The following EFCAB7 variants were observed in gnomAD, a reference collection of about 807,000 sequenced individuals.
The protein encoded by EFCAB7 is EF-hand calcium-binding domain-containing protein 7.
In EFCAB7, 66 loss-of-function variants were observed where a neutral mutation model predicts 77.1. That is an observed-to-expected ratio of 0.86 (90% CI 0.70 to 1.05). The LOEUF (loss-of-function observed/expected upper bound fraction) is 1.05, where lower values mean the gene tolerates loss of function less well. Among genes scored for constraint, EFCAB7 ranks in the 50% least tolerant of loss-of-function variants. The pLI is 0.00. For synonymous variants in EFCAB7, 225 were observed against 243.3 expected, an observed-to-expected ratio of 0.92 and a Z score of 0.70; for missense variants, 638 against 730.5, an observed-to-expected ratio of 0.87 and a Z score of 1.46.
At position 63,572,439 on chromosome 1, in the gene EFCAB7, C is replaced by A; in HGVS notation, c.1816-3C>A. 1.3e-6 allele frequency: 2 copies of A among 1,574,044 alleles called. No individual in the cohort carries two copies. Among genetic ancestry groups the A allele is most frequent in the South Asian group, 1.2e-5 (1 of 83,236 alleles). ...AGTAAAAGCTTTCTATTTTTATGTG[C>A]AGGTTTGTCAACATGTAATGCCTTT... On this transcript the variant is annotated splice_polypyrimidine_tract_variant and splice_region_variant and intron_variant, in intron 13 of 13. Transcript: ENST00000371088.
At chr1:63,534,865 T>C (rs1570389368) in intron 6 of EFCAB7, among the ~76,000 whole-genome samples, 1 of 152,110 alleles carries the variant, frequency 6.6e-6, no homozygotes, top group Non-Finnish European at 1.5e-5. Context: ...TATTTGTTAT[T>C]GAACTCTGAA....
the EFCAB7 span, among the ~76,000 whole-genome samples, chr1:63,580,257 A>G: frequency 7.9e-5 from 12 of 152,298 alleles, 1 homozygote; most frequent in African/African-American, 2.9e-4. Flanking sequence ...TCTGAGGTTT[A>G]GGTTGAGGTC....
chr1:63,528,651 T>C (rs1246643445), intron 2 of EFCAB7, among the ~76,000 whole-genome samples: 4 of 152,030 alleles, frequency 2.6e-5, no homozygotes, highest in African/African-American at 9.7e-5. Context: ...TGCATACCTG[T>C]ATCAAAAAAT....
intron 2 of EFCAB7, chr1:63,529,510 T>C (rs1482262569): frequency 6.6e-6 from 1 of 151,852 alleles, no homozygotes; most frequent in Non-Finnish European, 1.5e-5. Context: ...GGTCAGGAGT[T>C]TGAGACCAGC....
At chr1:63,582,382 T>C in the EFCAB7 span, among the ~76,000 whole-genome samples, 1 of 152,168 alleles carries the variant, frequency 6.6e-6, no homozygotes, top group Non-Finnish European at 1.5e-5. Context: ...CAAGATAAAT[T>C]AAGAAAACAT....
At chr1:63,549,030 A>G (rs535143834) in intron 7 of EFCAB7, 1 of 240,402 alleles carries the variant, frequency 4.2e-6, no homozygotes, top group African/African-American at 2.3e-5. Flanking sequence ...ATCCAAGAGT[A>G]TAGCGCCACT....
At chr1:63,583,879 C>T in the EFCAB7 span, among the ~76,000 whole-genome samples, 2 of 141,542 alleles carry the variant, frequency 1.4e-5, no homozygotes, top group South Asian at 2.2e-4. Flanking sequence ...AGATGTTGTG[C>T]ATCATTTCAC....
chr1:63,527,332 CTT>C (rs911935353), intron 2 of EFCAB7, among the ~76,000 whole-genome samples: 9 of 152,296 alleles, frequency 5.9e-5, no homozygotes, highest in African/African-American at 2.2e-4. Flanking sequence ...GGAATACTCT[CTT>C]AACGTTGTAA....
chr1:63,532,138 T>G (rs1646705282), intron 3 of EFCAB7, 107 bp downstream of exon 3: 2 of 764,884 alleles, frequency 2.6e-6, no homozygotes, highest in Non-Finnish European at 4.4e-6. Context: ...CATTGAGAGG[T>G]TAAATGAATT....
chr1:63,545,837 CTG>C (rs1294366298), intron 6 of EFCAB7, 77 bp from the exon 7 acceptor site: 3 of 1,163,902 alleles, frequency 2.6e-6, no homozygotes, highest in Non-Finnish European at 3.8e-6. Flanking sequence ...TTATATCCCC[CTG>C]TGTTTTCTCC....
At position 63,561,850 on chromosome 1, in the gene EFCAB7, T is replaced by C; in HGVS notation, c.1490T>C (p.Leu497Ser). Reference protein sequence around the residue: ...HSMGYNKALELTEACPFVIDI... With the variant: ...HSMGYNKALESTEACPFVIDI... ...ATGGGCTACAATAAAGCTCTGGAGT[T>C]GACAGAGGTAAAGTATTCTTAAACT... Residue 497 changes from leucine to serine, a missense_variant, in exon 11 of 14, where the codon TTG becomes TCG. Leu to Ser is a moderately radical substitution (Grantham distance 145). Coordinates refer to ENST00000371088, the MANE Select transcript of EFCAB7 (RefSeq NM_032437.4). The C allele has an allele frequency of 6.4e-7, 1 of 1,569,946 alleles. No homozygotes were observed. The highest frequency in any genetic ancestry group is 8.6e-7 in the Non-Finnish European group (1 of 1,159,280).
At chr1:63,537,213 A>AGC in intron 6 of EFCAB7, among the ~76,000 whole-genome samples, 1 of 152,296 alleles carries the variant, frequency 6.6e-6, no homozygotes, top group African/African-American at 2.4e-5. Flanking sequence ...AATGTCAGGA[A>AGC]TTTTCCTTTC....
chr1:63,537,081 A>G (rs1440989754), intron 6 of EFCAB7, among the ~76,000 whole-genome samples: 4 of 152,212 alleles, frequency 2.6e-5, no homozygotes, highest in African/African-American at 9.6e-5. Context: ...CAAAAGGAAA[A>G]TAAGATCCTT....
chr1:63,540,321 G>A (rs1034845320), intron 6 of EFCAB7, among the ~76,000 whole-genome samples: 5 of 138,228 alleles, frequency 3.6e-5, no homozygotes, highest in African/African-American at 1.4e-4. Context: ...CCGAGATGGC[G>A]CCACTGCACT....
chr1:63,562,673 A>G (rs535429144), intron 11 of EFCAB7, among the ~76,000 whole-genome samples: 10 of 147,670 alleles, frequency 6.8e-5, no homozygotes, highest in Non-Finnish European at 1.0e-4. Context: ...CTAATTTTTT[A>G]ACTTTTTTTT....
chr1:63,524,672 T>G (rs566029626), intron 1 of EFCAB7, among the ~76,000 whole-genome samples: 41 of 152,182 alleles, frequency 2.7e-4, no homozygotes, highest in Non-Finnish European at 4.7e-4. Context: ...TAGAATCTAA[T>G]ACCCCATAGT....
At chr1:63,530,963 T>C (rs1188090405) in intron 2 of EFCAB7, among the ~76,000 whole-genome samples, 3 of 152,200 alleles carry the variant, frequency 2.0e-5, no homozygotes, top group Non-Finnish European at 4.4e-5. Flanking sequence ...AGGTAGTTAG[T>C]ATATCCGTCG....
At chr1:63,524,034 C>CG (rs1311544525) in intron 1 of EFCAB7, among the ~76,000 whole-genome samples, 1 of 151,996 alleles carries the variant, frequency 6.6e-6, no homozygotes, top group African/African-American at 2.4e-5. Flanking sequence ...TCCAAGCCTG[C>CG]GGGGGGTGCA....
chr1:63,575,346 T>C (rs947826691), downstream of EFCAB7, among the ~76,000 whole-genome samples: 1 of 152,052 alleles, frequency 6.6e-6, no homozygotes, highest in African/African-American at 2.4e-5. Context: ...TCTTTTTGGT[T>C]TAGGTTAAAT....
Sources: allele counts gnomAD v4.1 joint callset (sites outside exome capture counted in the v4.1 genomes callset), GRCh38; gene constraint gnomAD v4.1.1; transcripts MANE v1.5; gene names NCBI Gene and HGNC (gene_info 2026-07-23, HGNC 2026-07-21).